YTHDF1: variants seen among roughly 807,000 people sequenced by gnomAD.
The protein encoded by YTHDF1 is YTH domain-containing family protein 1.
A neutral mutation model predicts 49.1 loss-of-function variants in YTHDF1; 16 were observed. That is an observed-to-expected ratio of 0.33 (90% CI 0.22 to 0.49). YTHDF1 has a LOEUF of 0.49. YTHDF1 is among the 20% of genes least tolerant of loss of function. The pLI is 0.99. For missense variants in YTHDF1, 621 were observed against 744.3 expected (o/e 0.83, Z 1.93); for synonymous variants, 313 against 290.1 (o/e 1.08, Z -0.80).
chr20:63,208,446 A>C (rs1273332787), intron 3 of YTHDF1, among the ~76,000 whole-genome samples: 35 of 152,098 alleles, frequency 2.3e-4, no homozygotes. Flanking sequence ...ATAACCGAAA[A>C]ACCCTAATTT....
chr20:63,201,843 T>C (rs1299056032), intron 4 of YTHDF1, among the ~76,000 whole-genome samples: 1 of 152,204 alleles, frequency 6.6e-6, no homozygotes, highest in Non-Finnish European at 1.5e-5. Flanking sequence ...CTTGGCCAGG[T>C]GGGGTCTCGA....
intron 2 of YTHDF1, among the ~76,000 whole-genome samples, chr20:63,215,367 A>G (rs1193373276): frequency 6.6e-6 from 1 of 152,140 alleles, no homozygotes; most frequent in Non-Finnish European, 1.5e-5. Flanking sequence ...ACGGGCCCAA[A>G]CTACTCTGAG....
chr20:63,212,500 C>G (rs1004259790), intron 3 of YTHDF1, among the ~76,000 whole-genome samples: 1 of 152,188 alleles, frequency 6.6e-6, no homozygotes, highest in Non-Finnish European at 1.5e-5. Context: ...TCACAGCACA[C>G]GAAATGGAGC....
At chr20:63,215,676 G>A (rs1321563262) in intron 1 of YTHDF1, 75 bp from the exon 2 acceptor site, 2 of 1,516,794 alleles carry the variant, frequency 1.3e-6, no homozygotes, top group African/African-American at 1.4e-5. Flanking sequence ...ATTCACCAGA[G>A]AACTGGTCTC....
intron 1 of YTHDF1, 129 bp downstream of exon 1, chr20:63,215,737 G>A (rs2066599065): frequency 1.5e-6 from 2 of 1,379,080 alleles, no homozygotes; most frequent in Non-Finnish European, 1.9e-6. Flanking sequence ...GTGCGACCCC[G>A]GCCCCGAGAC....
intron 3 of YTHDF1, among the ~76,000 whole-genome samples, chr20:63,212,132 T>TTCC (rs1465877820): frequency 1.3e-5 from 2 of 152,200 alleles, no homozygotes; most frequent in Non-Finnish European, 2.9e-5. Context: ...ATTAGTTAAC[T>TTCC]TCCTGCCATT....
chr20:63,203,404 C>G lies in YTHDF1; in HGVS notation c.536G>C (p.Gly179Ala). The change falls in exon 4 of 5, where the codon GGG becomes GCG. Residue 179 changes from glycine to alanine, a missense_variant. This residue lies in a region of YTHDF1 where 470 missense variants were observed against 495.8 expected (regional missense o/e 0.95). Transcript: ENST00000370339. The surrounding 1 kb of genome is among the most constrained non-coding windows in gnomAD (Gnocchi z 4.4). ...FHSDTLSKAP[G>A]MNSLEQGMVG... Reference sequence around the variant, plus strand: ...CATGCCCTGCTCCAGGCTGTTCATCCCGGGGGCCTTGCTGAGGGTGTCGCT... The same window carrying G: ...CATGCCCTGCTCCAGGCTGTTCATCGCGGGGGCCTTGCTGAGGGTGTCGCT... The G allele has an allele frequency of 9.9e-6, 16 of 1,613,134 alleles. No individual in the cohort carries two copies. Among genetic ancestry groups the G allele is most frequent in the Non-Finnish European group, 1.1e-5 (13 of 1,179,792 alleles).
chr20:63,210,501 C>T lies in YTHDF1; in HGVS notation c.132+3363G>A, dbSNP rs184919852. 2.7e-3 allele frequency among the ~76,000 whole-genome samples: 417 copies of T among 152,208 alleles called. 2 individuals are homozygous for T. Among genetic ancestry groups the T allele is most frequent in the South Asian group, 0.012 (58 of 4,818 alleles). ...CAGGAAAAGCCTCAAAAGAGAGAAT[C>T]GGCGGGGCACTGTGGCTCATGCTTG... On this transcript the variant is annotated intron_variant, in intron 3 of 4. Coordinates refer to ENST00000370339, the MANE Select transcript of YTHDF1 (RefSeq NM_017798.4).
At chr20:63,215,554 G>A (rs765036826) in intron 2 of YTHDF1, 23 bp downstream of exon 2, 22 of 1,613,358 alleles carry the variant, frequency 1.4e-5, no homozygotes, top group East Asian at 6.7e-5. Flanking sequence ...AGCCCGCGCC[G>A]GCCGTCCCGG....
intron 3 of YTHDF1, among the ~76,000 whole-genome samples, chr20:63,211,978 C>G (rs1020246079): frequency 1.2e-4 from 14 of 117,606 alleles, no homozygotes; most frequent in Admixed American, 5.7e-4. Context: ...CACACACACA[C>G]ACACACACAC....
intron 3 of YTHDF1, among the ~76,000 whole-genome samples, chr20:63,207,735 A>G (rs1383174773): frequency 1.3e-5 from 2 of 151,382 alleles, no homozygotes; most frequent in African/African-American, 4.9e-5. Flanking sequence ...AGCCGGGCAC[A>G]GTGGCTCTGG....
At chr20:63,205,366 CTGG>C (rs2066540850) in intron 3 of YTHDF1, among the ~76,000 whole-genome samples, 1 of 152,248 alleles carries the variant, frequency 6.6e-6, no homozygotes, top group Admixed American at 6.5e-5. Context: ...CCAGCCAACA[CTGG>C]TGGACTAATG....
chr20:63,196,775 C>T lies in YTHDF1; in HGVS notation c.1654-41G>A, dbSNP rs200089835. 516 of 1,612,364 alleles carry T rather than the reference C, an allele frequency of 3.2e-4. 1 individual carries two copies. The African/African-American group carries it at 5.9e-3, about 19-fold the overall frequency. On this transcript the variant is annotated intron_variant, in intron 4 of 4. Transcript: ENST00000370339. ...ACAAAAGTTGAACGCAGAGTAACCA[C>T]ACCAATGAATCCCTCCCAAAAGTGA... is the stretch of plus-strand genomic sequence containing the variant.
chr20:63,196,804 C>T lies in YTHDF1; in HGVS notation c.1654-70G>A, dbSNP rs1336356157. 7 of 1,593,344 alleles carry T rather than the reference C, an allele frequency of 4.4e-6. No individual in the cohort carries two copies. In the Admixed American group the frequency reaches 1.2e-4, roughly 27 times the overall value. On this transcript the variant is annotated intron_variant, in intron 4 of 4. Coordinates refer to ENST00000370339, the MANE Select transcript of YTHDF1 (RefSeq NM_017798.4). ...AATGAATCCCTCCCAAAAGTGAGAT[C>T]CGAGGCTGCCCCTTAGCAGCACCTG...
At position 63,202,193 on chromosome 20, in the gene YTHDF1, G is replaced by A. The variant is rs1397558867; in HGVS notation, c.1653+94C>T. On this transcript the variant is annotated intron_variant, in intron 4 of 4. Transcript: ENST00000370339. ...GCCTGTCACGAGACTCAGCTCGGCG[G>A]ACCTGCCGCATCTGCTCACCACCGG... 4.7e-6 allele frequency: 7 copies of A among 1,484,076 alleles called. No homozygotes were observed. In the African/African-American group the frequency reaches 5.6e-5, roughly 12 times the overall value. 91.9% of individuals were successfully genotyped at this position (1,484,076 alleles called of 1,614,324 possible).
rs145486590 is a variant in YTHDF1, at chr20:63,196,978, C to T, written c.1654-244G>A. On this transcript the variant is annotated intron_variant, in intron 4 of 4. Transcript: ENST00000370339. ...ACCAGGAGAAAAGCATCAACCACAACGGTCACATGGGCCACCTGTCTGCTG... is the reference window on the plus strand; with the variant it reads ...ACCAGGAGAAAAGCATCAACCACAATGGTCACATGGGCCACCTGTCTGCTG... Among the ~76,000 whole-genome samples, 432 of 152,270 alleles carry T rather than the reference C, an allele frequency of 2.8e-3. 1 individual carries two copies. The highest frequency in any genetic ancestry group is 5.5e-3 in the Non-Finnish European group (371 of 68,014).
At chr20:63,208,340 G>A (rs183113542) in intron 3 of YTHDF1, among the ~76,000 whole-genome samples, 2 of 152,204 alleles carry the variant, frequency 1.3e-5, no homozygotes, top group Non-Finnish European at 2.9e-5. Flanking sequence ...ATGGCTCCTG[G>A]GAAGCAGCTC....
In YTHDF1 at chr20:63,196,713, GT is replaced by G; in HGVS notation, c.1674del (p.Lys558AsnfsTer12). Reference sequence around the variant, plus strand: ...TGTAAGAAACTGGTTCGCCCTCATTGTTTGTTTCGACTCTGCCGTTCCTGTA... The same window carrying G: ...TGTAAGAAACTGGTTCGCCCTCATTGTTGTTTCGACTCTGCCGTTCCTGTA... ...VVRKERQSRNKQ is the reference protein window; with the variant it reads ...VVRKERQSRNXQ On this transcript the variant is annotated frameshift_variant, in exon 5 of 5. Transcript: ENST00000370339. LOFTEE classifies it high-confidence loss of function. 1 of 1,613,840 alleles carries G rather than the reference GT, an allele frequency of 6.2e-7. No homozygotes were observed. The highest frequency in any genetic ancestry group is 8.5e-7 in the Non-Finnish European group (1 of 1,179,782).
chr20:63,215,770 C>T (rs1025492807), intron 1 of YTHDF1, 96 bp downstream of exon 1: 7 of 1,383,902 alleles, frequency 5.1e-6, no homozygotes, highest in Admixed American at 7.1e-5. Flanking sequence ...TGGGCCCGGC[C>T]TCCGCGACCC....
Sources: allele counts gnomAD v4.1 joint callset (sites outside exome capture counted in the v4.1 genomes callset), GRCh38; gene constraint gnomAD v4.1.1; regional missense constraint gnomAD v4.1.1; non-coding constraint Gnocchi (gnomAD v3.1); transcripts MANE v1.5; gene names NCBI Gene and HGNC (gene_info 2026-07-23, HGNC 2026-07-21).